AFG2A: variants seen among roughly 807,000 people sequenced by gnomAD.
AFG2A encodes the protein AAA ATPase AFG2A.
chr4:123,023,310 G>A, the AFG2A span, among the ~76,000 whole-genome samples: 3 of 151,980 alleles, frequency 2.0e-5, no homozygotes, highest in South Asian at 2.1e-4. Flanking sequence ...AAACCTCAGC[G>A]TCACACAATA....
the AFG2A span, among the ~76,000 whole-genome samples, chr4:123,249,016 G>GC: frequency 2.0e-5 from 3 of 152,144 alleles, no homozygotes; most frequent in Non-Finnish European, 4.4e-5. Context: ...AAAAACACCT[G>GC]CTGATTTGTC....
chr4:123,197,207 G>T, the AFG2A span, among the ~76,000 whole-genome samples: 421 of 152,278 alleles, frequency 2.8e-3, 2 homozygotes, highest in African/African-American at 9.6e-3. Flanking sequence ...ATTTATGGGG[G>T]ACATTAGTCT....
At chr4:123,124,612 A>G in the AFG2A span, among the ~76,000 whole-genome samples, 1 of 152,214 alleles carries the variant, frequency 6.6e-6, no homozygotes. Context: ...CGTTGTGCAC[A>G]TGTACCCTGG....
At chr4:123,020,611 T>C in the AFG2A span, among the ~76,000 whole-genome samples, 1 of 152,112 alleles carries the variant, frequency 6.6e-6, no homozygotes, top group South Asian at 2.1e-4. Flanking sequence ...TGTGTGTGTG[T>C]TTTAATTGGG....
At chr4:123,102,798 C>CTGTGTG in the AFG2A span, among the ~76,000 whole-genome samples, 19,011 of 141,020 alleles carry the variant, frequency 0.13, 1,288 homozygotes, top group Middle Eastern at 0.2. Context: ...TCCTGGCATT[C>CTGTGTG]TGTGTGTGTG....
chr4:123,200,569 A>G, the AFG2A span, among the ~76,000 whole-genome samples: 3 of 152,144 alleles, frequency 2.0e-5, no homozygotes, highest in Admixed American at 2.0e-4. Flanking sequence ...CTCGGTGGAG[A>G]GTGCTCCTAT....
At chr4:123,046,431 T>C in the AFG2A span, among the ~76,000 whole-genome samples, 1 of 152,226 alleles carries the variant, frequency 6.6e-6, no homozygotes, top group South Asian at 2.1e-4. Context: ...GTACTTATGA[T>C]TGCAATTATA....
chr4:122,966,923 A>C, the AFG2A span, among the ~76,000 whole-genome samples: 425 of 152,258 alleles, frequency 2.8e-3, 3 homozygotes, highest in African/African-American at 9.7e-3. Flanking sequence ...ATTTTGAGTG[A>C]ATAGATGAGT....
the AFG2A span, among the ~76,000 whole-genome samples, chr4:123,054,751 A>G: frequency 6.6e-6 from 1 of 152,058 alleles, no homozygotes; most frequent in Non-Finnish European, 1.5e-5. Flanking sequence ...GTCAAATTTG[A>G]ATTATTCTAC....
At chr4:123,143,182 GA>G in the AFG2A span, among the ~76,000 whole-genome samples, 5 of 130,788 alleles carry the variant, frequency 3.8e-5, no homozygotes, top group South Asian at 2.4e-4. Flanking sequence ...AGTTTTTCCA[GA>G]AAAAAAAAAG....
chr4:122,955,014 C>T, the AFG2A span, among the ~76,000 whole-genome samples: 6 of 152,112 alleles, frequency 3.9e-5, no homozygotes, highest in Non-Finnish European at 1.5e-5. Flanking sequence ...AAATTTTTCT[C>T]CACCTTCCTG....
the AFG2A span, among the ~76,000 whole-genome samples, chr4:123,170,673 T>C: frequency 6.6e-6 from 1 of 152,328 alleles, no homozygotes; most frequent in Non-Finnish European, 1.5e-5. Flanking sequence ...GGTGACATCG[T>C]ATTAATATTT....
chr4:123,081,190 A>G, the AFG2A span, among the ~76,000 whole-genome samples: 7 of 152,330 alleles, frequency 4.6e-5, no homozygotes, highest in East Asian at 5.8e-4. Flanking sequence ...GTGTAATAAC[A>G]TATATCTACC....
the AFG2A span, among the ~76,000 whole-genome samples, chr4:123,286,701 C>T: frequency 0.011 from 1,688 of 152,182 alleles, 25 homozygotes; most frequent in African/African-American, 0.038. Context: ...GTTATAAAAA[C>T]CTATAACTGC....
At chr4:122,943,294 ACTTGCTTTATGAAT>A in the AFG2A span, among the ~76,000 whole-genome samples, 1 of 152,084 alleles carries the variant, frequency 6.6e-6, no homozygotes, top group African/African-American at 2.4e-5. Context: ...GTCACTCAGG[ACTTGCTTTATGAAT>A]CTGGGTGCTC....
At chr4:122,999,380 G>A in the AFG2A span, among the ~76,000 whole-genome samples, 26 of 151,982 alleles carry the variant, frequency 1.7e-4, no homozygotes, top group African/African-American at 5.3e-4. Context: ...TGAAGTCCTT[G>A]CCCATGCCTA....
At chr4:123,166,745 G>T in the AFG2A span, among the ~76,000 whole-genome samples, 80,120 of 152,002 alleles carry the variant, frequency 0.53, 25,665 homozygotes, top group Non-Finnish European at 0.7. Context: ...AACTCTAGAA[G>T]TCTATAAATC....
the AFG2A span, among the ~76,000 whole-genome samples, chr4:123,307,890 C>A: frequency 2.8e-4 from 43 of 152,236 alleles, no homozygotes; most frequent in South Asian, 7.0e-3. Flanking sequence ...ATAGAATAGA[C>A]CCTATAGCCT....
At chr4:123,157,531 T>C in the AFG2A span, among the ~76,000 whole-genome samples, 1 of 152,174 alleles carries the variant, frequency 6.6e-6, no homozygotes, top group Non-Finnish European at 1.5e-5. Context: ...GTTATTGTTT[T>C]ATATAAAAGA....
Sources: gnomAD v4.1 joint callset for allele counts (sites outside exome capture counted in the v4.1 genomes callset) on GRCh38, gnomAD v4.1.1 for gene constraint, MANE v1.5 for transcripts, NCBI Gene and HGNC (gene_info 2026-07-23, HGNC 2026-07-21) for gene names.